The following EHD2 variants were observed in gnomAD, a reference collection of about 807,000 sequenced individuals.
EHD2 encodes the protein EH domain-containing protein 2.
In EHD2, 27 loss-of-function variants were observed where a neutral mutation model predicts 41.0. That is an observed-to-expected ratio of 0.66 (90% CI 0.49 to 0.91). EHD2 has a LOEUF of 0.91. Among genes scored for constraint, EHD2 ranks in the 40% least tolerant of loss-of-function variants. The pLI is 0.00. For synonymous variants in EHD2, 342 were observed against 341.0 expected (o/e 1.00, Z -0.03); for missense variants, 673 against 773.9 (o/e 0.87, Z 1.55).
At chr19:47,718,660 C>G (rs1298369792) in intron 3 of EHD2, 54 bp downstream of exon 3, 69 of 1,473,516 alleles carry the variant, frequency 4.7e-5, no homozygotes, top group Non-Finnish European at 9.2e-6. Context: ...GGCCTGGACT[C>G]CTGGGTCTGA....
In EHD2 at chr19:47,719,946, A is replaced by ATATGTG. The variant is rs141713618; in HGVS notation, c.502+1341_502+1342insATGTGT. 5.4e-5 allele frequency among the ~76,000 whole-genome samples: 8 copies of ATATGTG among 146,940 alleles called. No homozygotes were observed. The highest frequency in any genetic ancestry group is 9.0e-5 in the Non-Finnish European group (6 of 66,896). The stretch of plus-strand genomic sequence containing the variant: ...AGAGTGTCCAGCTGTTGGTGTGTAT[A>ATATGTG]TGTGTGTGTGTGTGTGTGTGTGTGA... On this transcript the variant is annotated intron_variant, in intron 3 of 5. Coordinates refer to ENST00000263277, the MANE Select transcript of EHD2 (RefSeq NM_014601.4). The surrounding 1 kb of genome is among the most constrained non-coding windows in gnomAD (Gnocchi z 4.1).
chr19:47,726,134 G>T lies in EHD2; in HGVS notation c.825G>T (p.Glu275Asp). Residue 275 changes from glutamate to aspartate, a missense_variant, in exon 4 of 6, where the codon GAG becomes GAT. Coordinates refer to ENST00000263277, the MANE Select transcript of EHD2 (RefSeq NM_014601.4). ...ACCGGCGCCTCTTCGAGCTGGAGGAGCAGGACCTCTTCCGCGACATCCAGG... is the reference window on the plus strand; with the variant it reads ...ACCGGCGCCTCTTCGAGCTGGAGGATCAGGACCTCTTCCGCGACATCCAGG... ...PDNRRLFELEEQDLFRDIQGL... is the reference protein window; with the variant it reads ...PDNRRLFELEDQDLFRDIQGL... 6.3e-7 allele frequency: 1 copy of T among 1,580,472 alleles called. No individual in the cohort carries two copies. The highest frequency in any genetic ancestry group is 8.6e-7 in the Non-Finnish European group (1 of 1,164,296).
At position 47,743,060 on chromosome 19, in the gene EHD2, C is replaced by T. The variant is rs1240303341; in HGVS notation, c.*1628C>T. On this transcript the variant is annotated 3_prime_UTR_variant, in exon 6 of 6. Transcript: ENST00000263277. Reference sequence around the variant, plus strand: ...GGATTCCCACGCCCACCACTGTCCCCCACCCCATGGCTGGGAGGGGCCTCT... The same window carrying T: ...GGATTCCCACGCCCACCACTGTCCCTCACCCCATGGCTGGGAGGGGCCTCT... 1 of 152,528 alleles carries T rather than the reference C, an allele frequency of 6.6e-6. No individual in the cohort carries two copies. Among genetic ancestry groups the T allele is most frequent in the Non-Finnish European group, 1.5e-5 (1 of 68,162 alleles). 9.4% of individuals were successfully genotyped at this position (152,528 alleles called of 1,614,324 possible). A position where few individuals can be genotyped will look rare whatever the true frequency, so the allele number is the denominator to read the frequency against.
chr19:47,736,037 A>T (rs958975869), intron 4 of EHD2, among the ~76,000 whole-genome samples: 1 of 152,044 alleles, frequency 6.6e-6, no homozygotes, highest in Non-Finnish European at 1.5e-5. Flanking sequence ...CTTTACTAAA[A>T]ATACAAAAAT....
intron 5 of EHD2, among the ~76,000 whole-genome samples, chr19:47,740,644 G>C (rs1284198423): frequency 6.6e-6 from 1 of 152,152 alleles, no homozygotes; most frequent in Non-Finnish European, 1.5e-5. Flanking sequence ...TACTTGGGAG[G>C]CTGAGGCAGG....
chr19:47,729,527 C>CG (rs1013423222), intron 4 of EHD2: 3 of 152,522 alleles, frequency 2.0e-5, no homozygotes, highest in African/African-American at 7.3e-5. Flanking sequence ...AAGGAGAGCG[C>CG]GGGTTTCAGA....
chr19:47,733,276 C>T (rs1966887741), intron 4 of EHD2, among the ~76,000 whole-genome samples: 1 of 150,602 alleles, frequency 6.6e-6, no homozygotes, highest in South Asian at 2.1e-4. Flanking sequence ...TGCTCTGTCA[C>T]CCAGGCTGGA....
intron 4 of EHD2, among the ~76,000 whole-genome samples, chr19:47,735,279 T>C (rs1437283070): frequency 6.6e-6 from 1 of 152,092 alleles, no homozygotes; most frequent in African/African-American, 2.4e-5. Context: ...TAGGCTGGTA[T>C]GCAGATTCGG....
chr19:47,736,958 ATG>A (rs1966929393), intron 5 of EHD2, among the ~76,000 whole-genome samples: 1 of 152,002 alleles, frequency 6.6e-6, no homozygotes, highest in Non-Finnish European at 1.5e-5. Flanking sequence ...GGGGCCAGGC[ATG>A]GTGGCTCACG....
At position 47,719,854 on chromosome 19, in the gene EHD2, A is replaced by G. The variant is rs1431203583; in HGVS notation, c.502+1248A>G. Among the ~76,000 whole-genome samples the G allele has an allele frequency of 6.7e-6, 1 of 149,558 alleles. No individual in the cohort carries two copies. The highest frequency in any genetic ancestry group is 6.6e-5 in the Admixed American group (1 of 15,086). On this transcript the variant is annotated intron_variant, in intron 3 of 5. Transcript: ENST00000263277. The surrounding 1 kb of genome is among the most constrained non-coding windows in gnomAD (Gnocchi z 4.1). ...GTGCCGGCAGGGGGGTTCAAAGGCC[A>G]TGGGTGGTGGGGGAGTGGGGAACGG...
At chr19:47,730,530 A>G (rs1032296359) in intron 4 of EHD2, among the ~76,000 whole-genome samples, 1 of 151,864 alleles carries the variant, frequency 6.6e-6, no homozygotes, top group Admixed American at 6.6e-5. Flanking sequence ...AGTCCGCCAC[A>G]CTTGGTCGTC....
At chr19:47,733,623 A>C (rs1469695075) in intron 4 of EHD2, among the ~76,000 whole-genome samples, 5 of 150,486 alleles carry the variant, frequency 3.3e-5, no homozygotes, top group Non-Finnish European at 7.4e-5. Flanking sequence ...GCCGAGATTG[A>C]GCCACTGCAC....
chr19:47,739,472 G>A (rs571447538), intron 5 of EHD2, among the ~76,000 whole-genome samples: 75 of 149,904 alleles, frequency 5.0e-4, no homozygotes, highest in Middle Eastern at 3.5e-3. Flanking sequence ...ATGGTGGTAG[G>A]CGCCTGTAAT....
intron 4 of EHD2, among the ~76,000 whole-genome samples, chr19:47,730,310 C>T (rs543933665): frequency 2.0e-5 from 3 of 152,142 alleles, no homozygotes; most frequent in East Asian, 3.9e-4. Context: ...GGCCCGCTCT[C>T]ACAGGCCCCG....
rs1966967248 is a variant in EHD2 at position 47,739,889 on chromosome 19, C to G, written c.1081-992C>G. Among the ~76,000 whole-genome samples, 3 of 152,112 alleles carry G rather than the reference C, an allele frequency of 2.0e-5. No homozygotes were observed. In the South Asian group the frequency reaches 6.2e-4, roughly 31 times the overall value. ...GCGAAAATATTGAAATCCTTCTCTG[C>G]TAGCTGGCAAAGGGCCGCTGCTCTC... On this transcript the variant is annotated intron_variant, in intron 5 of 5. Coordinates refer to ENST00000263277, the MANE Select transcript of EHD2 (RefSeq NM_014601.4).
At chr19:47,714,285 G>C (rs76559441) in intron 1 of EHD2, among the ~76,000 whole-genome samples, 1 of 151,852 alleles carries the variant, frequency 6.6e-6, no homozygotes, top group African/African-American at 2.4e-5. Flanking sequence ...CCCTGCCCCC[G>C]CCCTGGAATC....
rs370135712 is a variant in EHD2 at position 47,741,152 on chromosome 19, C to T, written c.1352C>T (p.Ser451Phe). 1.9e-6 allele frequency: 3 copies of T among 1,612,906 alleles called. No individual in the cohort carries two copies. Among genetic ancestry groups the T allele is most frequent in the Non-Finnish European group, 2.5e-6 (3 of 1,180,002 alleles). ...GAGTGGGTGGTGACCAAGGACAAGTCCAAATACGACGAGATCTTCTACAAC... is the reference window on the plus strand; with the variant it reads ...GAGTGGGTGGTGACCAAGGACAAGTTCAAATACGACGAGATCTTCTACAAC... ...EAEWVVTKDK[S>F]KYDEIFYNLA... Residue 451 changes from serine to phenylalanine, a missense_variant, in exon 6 of 6, where the codon TCC becomes TTC. Transcript: ENST00000263277. The surrounding 1 kb of genome is among the most constrained non-coding windows in gnomAD (Gnocchi z 4.5).
At chr19:47,731,275 A>T (rs1308652514) in intron 4 of EHD2, 277 of 25,130 alleles carry the variant, frequency 0.011, 6 homozygotes, top group African/African-American at 0.025. Flanking sequence ...TTTAAAAAAA[A>T]AAAAATATAT....
rs1305962936 is a variant in EHD2 at position 47,741,762 on chromosome 19, CACTGGGCATT to C, written c.*333_*342del. 67 of 564,596 alleles carry C rather than the reference CACTGGGCATT, an allele frequency of 1.2e-4. 2 individuals are homozygous for C. The highest frequency in any genetic ancestry group is 1.0e-3 in the South Asian group (66 of 64,170). The allele number at this position is 564,596 out of a possible 1,614,324, so 35.0% of individuals were successfully genotyped here. Reference sequence around the variant, plus strand: ...ACTATGTGCCCAGCCCTGTTCTAGGCACTGGGCATTACCATAGAGAACAAAATAGACAAAT... The same window carrying C: ...ACTATGTGCCCAGCCCTGTTCTAGGCACCATAGAGAACAAAATAGACAAAT... On this transcript the variant is annotated 3_prime_UTR_variant, in exon 6 of 6. Coordinates refer to ENST00000263277, the MANE Select transcript of EHD2 (RefSeq NM_014601.4). This position sits in a 1 kb window ranked among gnomAD's most constrained non-coding sequence, Gnocchi z 4.5.
Sources: gnomAD v4.1 joint callset for allele counts (sites outside exome capture counted in the v4.1 genomes callset) on GRCh38, gnomAD v4.1.1 for gene constraint, Gnocchi (gnomAD v3.1) non-coding constraint, MANE v1.5 for transcripts, NCBI Gene and HGNC (gene_info 2026-07-23, HGNC 2026-07-21) for gene names.